SMG1: variants seen among roughly 807,000 people sequenced by gnomAD.
SMG1 encodes serine/threonine-protein kinase SMG1.
Under a neutral mutation model 419.9 loss-of-function variants are expected in SMG1, and 22 were observed. That is an observed-to-expected ratio of 0.05 (90% confidence interval 0.04 to 0.07). The LOEUF is 0.07. Ranked by LOEUF, SMG1 falls within the 10% of genes least tolerant of loss-of-function variation. The probability of loss-of-function intolerance (pLI) is 1.00; values close to 1 mark genes in which losing one functional copy is unlikely to be tolerated. For synonymous variants in SMG1, 1,538 were observed against 1,553.5 expected, an observed-to-expected ratio of 0.99 and a Z score of 0.23; for missense variants, 3,185 against 4,342.0, an observed-to-expected ratio of 0.73 and a Z score of 7.49.
intron 55 of SMG1, among the ~76,000 whole-genome samples, chr16:18,820,361 C>A (rs1254490959): frequency 2.0e-5 from 3 of 151,800 alleles, no homozygotes; most frequent in Non-Finnish European, 4.4e-5. Flanking sequence ...TGCCACCATG[C>A]CCAACTAATT....
chr16:18,917,689 T>C (rs895022698), intron 1 of SMG1, among the ~76,000 whole-genome samples: 2 of 151,596 alleles, frequency 1.3e-5, no homozygotes, highest in African/African-American at 2.4e-5. Flanking sequence ...GCAATTCTCC[T>C]GCCTCAGCCT....
At chr16:18,827,596 T>A (rs1349711067) in intron 55 of SMG1, among the ~76,000 whole-genome samples, 1 of 143,058 alleles carries the variant, frequency 7.0e-6, no homozygotes, top group Non-Finnish European at 1.5e-5. Context: ...TTTTTAGATA[T>A]ATTTGGTATA....
chr16:18,811,338 G>C (rs900522832), intron 62 of SMG1, among the ~76,000 whole-genome samples: 1 of 152,108 alleles, frequency 6.6e-6, no homozygotes. Context: ...GTCAGGCATG[G>C]AACTTTTCAC....
intron 1 of SMG1, among the ~76,000 whole-genome samples, chr16:18,910,644 A>G (rs2037756409): frequency 6.6e-6 from 1 of 151,722 alleles, no homozygotes; most frequent in Non-Finnish European, 1.5e-5. Context: ...AAGCACCACC[A>G]TGCCCGGCCC....
At chr16:18,898,980 C>T (rs768754787) in intron 1 of SMG1, among the ~76,000 whole-genome samples, 16 of 152,138 alleles carry the variant, frequency 1.1e-4, no homozygotes, top group African/African-American at 3.9e-4. Flanking sequence ...ATGATACCTA[C>T]CTAACATGCA....
In SMG1 at chr16:18,863,988, T is replaced by C. The variant is rs1567387611; in HGVS notation, c.3493+14A>G. 1 of 1,549,876 alleles carries C rather than the reference T, an allele frequency of 6.5e-7. No homozygotes were observed. The highest frequency in any genetic ancestry group is 8.7e-7 in the Non-Finnish European group (1 of 1,146,958). ...CTATAACTTTTGCTTTATTTAAAAA[T>C]ACTGAACGCTCACCATTCAGAGAAT... On this transcript the variant is annotated intron_variant, in intron 24 of 62. Transcript: ENST00000446231.
chr16:18,876,201 C>G lies in SMG1; in HGVS notation c.1813G>C (p.Asp605His). ...EAFKNHVFNVDNAKFVVIFDL... is the reference protein window; with the variant it reads ...EAFKNHVFNVHNAKFVVIFDL... The stretch of plus-strand genomic sequence containing the variant: ...AATATAACTACAAATTTTGCATTGT[C>G]TACATTGAACACATGATTCTTAAAA... Residue 605 changes from aspartate to histidine, a missense_variant, in exon 13 of 63, where the codon GAC (aspartate) becomes CAC (histidine). Physicochemically the swap from Asp to His is moderately conservative, Grantham distance 81. Coordinates refer to ENST00000446231, the MANE Select transcript of SMG1 (RefSeq NM_015092.5). 4 of 1,611,758 alleles carry G rather than the reference C, an allele frequency of 2.5e-6. No homozygotes were observed. The highest frequency in any genetic ancestry group is 3.4e-6 in the Non-Finnish European group (4 of 1,179,678).
chr16:18,830,613 C>A (rs1222252189), intron 51 of SMG1, among the ~76,000 whole-genome samples: 2 of 152,076 alleles, frequency 1.3e-5, no homozygotes, highest in African/African-American at 2.4e-5. Flanking sequence ...CATGGAGAAA[C>A]CCCGTCTCTA....
At chr16:18,892,146 A>G (rs1473939619) in intron 4 of SMG1, 72 bp downstream of exon 4, 1 of 984,034 alleles carries the variant, frequency 1.0e-6, no homozygotes, top group Non-Finnish European at 1.6e-6. Context: ...TTCTTAAACT[A>G]CTCAAGGTAG....
At chr16:18,827,743 T>TA (rs2032839181) in intron 55 of SMG1, among the ~76,000 whole-genome samples, 1 of 145,262 alleles carries the variant, frequency 6.9e-6, no homozygotes, top group Non-Finnish European at 1.5e-5. Context: ...AAAATATATA[T>TA]TTTTATATAT....
chr16:18,907,386 ACT>A (rs2037605260), intron 1 of SMG1, among the ~76,000 whole-genome samples: 1 of 151,804 alleles, frequency 6.6e-6, no homozygotes, highest in South Asian at 2.1e-4. Flanking sequence ...ATTAGGTCTC[ACT>A]CTATGTTGCC....
In SMG1 at chr16:18,852,359, G is replaced by A. The variant is rs1311379639; in HGVS notation, c.4872C>T (p.Ser1624=). 6.2e-7 allele frequency: 1 copy of A among 1,613,638 alleles called. No individual in the cohort carries two copies. The highest frequency in any genetic ancestry group is 8.5e-7 in the Non-Finnish European group (1 of 1,179,772). Residue 1624 remains serine (S), a synonymous_variant, in exon 32 of 63, where the codon AGC becomes AGT. Transcript: ENST00000446231. ...CCTTTCTGCCCCACCTATAAGCCCA[G>A]CTGGCCAACGCTGCCCAAGATTTGG... ...EVAKSWAALA[S]WAYRWGRKVV...
Position 18,842,465 on chromosome 16 carries a change from A to G in SMG1, c.6220-11T>C. ...CAAACTTAGCATTATCTATATTCATAAGATGGGAGAAACAAATTTACATTA... is the reference window on the plus strand; with the variant it reads ...CAAACTTAGCATTATCTATATTCATGAGATGGGAGAAACAAATTTACATTA... On this transcript the variant is annotated splice_polypyrimidine_tract_variant and intron_variant, in intron 39 of 62. Coordinates refer to ENST00000446231, the MANE Select transcript of SMG1 (RefSeq NM_015092.5). 6.2e-7 allele frequency: 1 copy of G among 1,607,784 alleles called. No homozygotes were observed. The highest frequency in any genetic ancestry group is 8.5e-7 in the Non-Finnish European group (1 of 1,175,598).
chr16:18,917,972 T>G (rs765812464), intron 1 of SMG1, among the ~76,000 whole-genome samples: 8 of 151,642 alleles, frequency 5.3e-5, no homozygotes, highest in Non-Finnish European at 1.2e-4. Flanking sequence ...CCAAATACAC[T>G]TGAACTGGGC....
In SMG1 at chr16:18,836,552, C is replaced by T; in HGVS notation, c.7605-20G>A. The T allele has an allele frequency of 6.2e-7, 1 of 1,609,984 alleles. No homozygotes were observed. The highest frequency in any genetic ancestry group is 8.5e-7 in the Non-Finnish European group (1 of 1,178,220). On this transcript the variant is annotated intron_variant, in intron 46 of 62. Coordinates refer to ENST00000446231, the MANE Select transcript of SMG1 (RefSeq NM_015092.5). ...GAATACCTAATCAGGGGGACACAAA[C>T]AAAATCAAAAGATTTATTGCTGTTT... is the stretch of plus-strand genomic sequence containing the variant.
At chr16:18,884,898 C>A in intron 8 of SMG1, 192 bp downstream of exon 8, 1 of 586,338 alleles carries the variant, frequency 1.7e-6, no homozygotes, top group South Asian at 2.0e-5. Context: ...TCTGTACTTA[C>A]TGTACCCACC....
At position 18,819,588 on chromosome 16, in the gene SMG1, C is replaced by T. The variant is rs757962870; in HGVS notation, c.9808G>A (p.Ala3270Thr). Residue 3270 changes from alanine to threonine, a missense_variant, in exon 56 of 63, where the codon GCA (alanine) becomes ACA (threonine). Coordinates refer to ENST00000446231, the MANE Select transcript of SMG1 (RefSeq NM_015092.5). ...RLKWAGGANP[A>T]LAPVLQDFEA... The stretch of plus-strand genomic sequence containing the variant: ...AAATCTTGTAGTACAGGGGCCAATG[C>T]AGGGTTGGCACCACCTGCCCACTTG... The T allele has an allele frequency of 1.3e-6, 2 of 1,597,452 alleles. No homozygotes were observed. The highest frequency in any genetic ancestry group is 1.7e-6 in the Non-Finnish European group (2 of 1,171,384).
At chr16:18,830,802 A>T (rs1596479460) in intron 51 of SMG1, among the ~76,000 whole-genome samples, 1 of 152,258 alleles carries the variant, frequency 6.6e-6, no homozygotes, top group Non-Finnish European at 1.5e-5. Context: ...TCAAAAAAAA[A>T]GAAGGAATGT....
At chr16:18,892,095 G>C (rs1332794794) in intron 4 of SMG1, 123 bp downstream of exon 4, 1 of 736,882 alleles carries the variant, frequency 1.4e-6, no homozygotes, top group Non-Finnish European at 2.4e-6. Flanking sequence ...ACATATTAGA[G>C]AGCATTAAGT....
Sources: allele counts gnomAD v4.1 joint callset (sites outside exome capture counted in the v4.1 genomes callset), GRCh38; gene constraint gnomAD v4.1.1; transcripts MANE v1.5; gene names NCBI Gene and HGNC (gene_info 2026-07-23, HGNC 2026-07-21).